Variants in MAP3K20 observed in about 807,000 individuals in gnomAD.
MAP3K20 encodes mitogen-activated protein kinase kinase kinase 20.
MAP3K20 carries 40 observed loss-of-function variants against 85.7 expected under a neutral mutation model. The observed-to-expected ratio is 0.47, with a 90% CI of 0.36 to 0.61. The LOEUF is 0.61. Ranked by LOEUF, MAP3K20 falls within the 20% of genes least tolerant of loss-of-function variation. MAP3K20 has a pLI of 0.00. For synonymous variants in MAP3K20, 325 were observed against 327.7 expected, an observed-to-expected ratio of 0.99 and a Z score of 0.09; for missense variants, 817 against 961.7, an observed-to-expected ratio of 0.85 and a Z score of 1.99.
chr2:173,258,892 T>C, intron 17 of MAP3K20, 77 bp downstream of exon 17: 2 of 901,672 alleles, frequency 2.2e-6, no homozygotes, highest in Non-Finnish European at 3.6e-6. Context: ...ACCCCAGCAG[T>C]GTGCTTTTGT....
intron 10 of MAP3K20, among the ~76,000 whole-genome samples, chr2:173,213,018 CTA>C (rs1683958359): frequency 6.6e-6 from 1 of 151,778 alleles, no homozygotes; most frequent in Non-Finnish European, 1.5e-5. Flanking sequence ...ACCCTACAGT[CTA>C]GTTTGTTTAG....
intron 1 of MAP3K20, among the ~76,000 whole-genome samples, chr2:173,090,041 A>C (rs1687248564): frequency 6.6e-6 from 1 of 152,234 alleles, no homozygotes; most frequent in African/African-American, 2.4e-5. Context: ...TACTTTTTGC[A>C]AGAATAGTAT....
At chr2:173,223,405 T>G (rs1684304362) in intron 11 of MAP3K20, 1 of 958,568 alleles carries the variant, frequency 1.0e-6, no homozygotes, top group African/African-American at 1.8e-5. Context: ...GTAAAGCACT[T>G]TAACACAGCA....
intron 1 of MAP3K20, among the ~76,000 whole-genome samples, chr2:173,079,935 T>C (rs1686968853): frequency 6.6e-6 from 1 of 151,784 alleles, no homozygotes; most frequent in Non-Finnish European, 1.5e-5. Context: ...AAAATGAGGA[T>C]AAAAAGTATA....
At chr2:173,256,035 C>T (rs1035771187) in intron 16 of MAP3K20, among the ~76,000 whole-genome samples, 1 of 152,216 alleles carries the variant, frequency 6.6e-6, no homozygotes, top group Admixed American at 6.5e-5. Flanking sequence ...TTTTATTGAA[C>T]GGACCTTTTC....
At chr2:173,107,846 G>A (rs537665104) in intron 2 of MAP3K20, among the ~76,000 whole-genome samples, 4 of 152,292 alleles carry the variant, frequency 2.6e-5, no homozygotes, top group African/African-American at 4.8e-5. Flanking sequence ...CTCTCAGTGC[G>A]TGTTACCTGT....
chr2:173,076,066 G>C (rs1686844646), intron 1 of MAP3K20, 64 bp downstream of exon 1: 6 of 969,850 alleles, frequency 6.2e-6, no homozygotes, highest in Middle Eastern at 5.3e-4. Flanking sequence ...CCGCGCTCGC[G>C]AGTCGTCCCT....
At position 173,194,509 on chromosome 2, in the gene MAP3K20, T is replaced by A. The variant is rs1690761862; in HGVS notation, c.582+3332T>A. ...GAAAAGAGCAGGTGAGGATAGTTGT[T>A]AAGGTTGGGACCATGTTAGTTTTAG... is the stretch of plus-strand genomic sequence containing the variant. On this transcript the variant is annotated intron_variant, in intron 7 of 19. Coordinates refer to ENST00000375213, the MANE Select transcript of MAP3K20 (RefSeq NM_016653.3). 2.0e-5 allele frequency among the ~76,000 whole-genome samples: 3 copies of A among 152,166 alleles called. No individual in the cohort carries two copies. In the South Asian group the frequency reaches 6.2e-4, roughly 32 times the overall value.
At chr2:173,085,703 A>C (rs925726844) in intron 1 of MAP3K20, among the ~76,000 whole-genome samples, 20 of 151,932 alleles carry the variant, frequency 1.3e-4, no homozygotes, top group African/African-American at 4.6e-4. Flanking sequence ...TTGAGAGTTT[A>C]TAAAACAACA....
chr2:173,128,312 C>CTTATTTAT (rs59187122), intron 2 of MAP3K20, among the ~76,000 whole-genome samples: 25,196 of 145,748 alleles, frequency 0.17, 2,422 homozygotes, highest in African/African-American at 0.22. Flanking sequence ...TTATAGTTGA[C>CTTATTTAT]TTATTTATTT....
chr2:173,225,152 T>C, intron 11 of MAP3K20: 1 of 984,940 alleles, frequency 1.0e-6, no homozygotes, highest in Non-Finnish European at 1.2e-6. Flanking sequence ...CATTCTCAAC[T>C]GGGGCGGTGC....
At chr2:173,184,792 A>G (rs1355852801) in intron 4 of MAP3K20, among the ~76,000 whole-genome samples, 4 of 151,832 alleles carry the variant, frequency 2.6e-5, no homozygotes, top group African/African-American at 4.8e-5. Context: ...CTACTCGCCT[A>G]TAGTCCCAGC....
At chr2:173,081,215 CAG>C (rs1381095768) in intron 1 of MAP3K20, among the ~76,000 whole-genome samples, 7 of 125,778 alleles carry the variant, frequency 5.6e-5, no homozygotes, top group Non-Finnish European at 9.9e-5. Flanking sequence ...TTTTTAGAAA[CAG>C]AGTCTTGCTA....
rs1685420594 is a variant in MAP3K20 at position 173,266,311 on chromosome 2, G to C, written c.1964G>C (p.Arg655Thr). Residue 655 changes from arginine to threonine, a missense_variant, in exon 20 of 20, where the codon AGG becomes ACG. Transcript: ENST00000375213. ...TTCTCTTCCCTACATCTCAACTCTA[G>C]GGACAGTGGCTTTTCCAGTGGCAAT... ...KNFSSLHLNSRDSGFSSGNTD... is the reference protein window; with the variant it reads ...KNFSSLHLNSTDSGFSSGNTD... 6.2e-7 allele frequency: 1 copy of C among 1,614,090 alleles called. No individual in the cohort carries two copies. The highest frequency in any genetic ancestry group is 8.5e-7 in the Non-Finnish European group (1 of 1,180,012).
chr2:173,234,305 G>A (rs1684595606), intron 14 of MAP3K20, among the ~76,000 whole-genome samples: 1 of 152,122 alleles, frequency 6.6e-6, no homozygotes, highest in Admixed American at 6.5e-5. Flanking sequence ...TTCATGCTGA[G>A]CGGTATCATT....
At chr2:173,229,557 T>C in intron 11 of MAP3K20, 132 bp from the exon 12 acceptor site, 1 of 1,134,750 alleles carries the variant, frequency 8.8e-7, no homozygotes, top group South Asian at 1.4e-5. Context: ...CTGTTTTCCA[T>C]TCAACCCAAC....
chr2:173,179,708 A>G (rs199800015), intron 3 of MAP3K20, among the ~76,000 whole-genome samples: 28 of 59,738 alleles, frequency 4.7e-4, no homozygotes, highest in East Asian at 2.6e-3. Flanking sequence ...GAATGCGCAC[A>G]CACACACACA....
chr2:173,226,777 T>A, intron 11 of MAP3K20: 1 of 985,478 alleles, frequency 1.0e-6, no homozygotes, highest in Non-Finnish European at 1.2e-6. Flanking sequence ...GCTTTTGCAC[T>A]CTTAAAATTT....
intron 16 of MAP3K20, among the ~76,000 whole-genome samples, chr2:173,253,316 G>A (rs932904364): frequency 6.6e-6 from 1 of 152,180 alleles, no homozygotes; most frequent in Admixed American, 6.5e-5. Context: ...GCTGGGAACT[G>A]CATTTACATT....
Sources: allele counts gnomAD v4.1 joint callset (sites outside exome capture counted in the v4.1 genomes callset), GRCh38; gene constraint gnomAD v4.1.1; transcripts MANE v1.5; gene names NCBI Gene and HGNC (gene_info 2026-07-23, HGNC 2026-07-21).